The following NSMCE2 variants were observed in gnomAD, a reference collection of about 807,000 sequenced individuals.
The protein encoded by NSMCE2 is E3 SUMO-protein ligase NSE2.
A neutral mutation model predicts 23.8 loss-of-function variants in NSMCE2; 24 were observed. The observed-to-expected ratio is 1.01, with a 90% CI of 0.73 to 1.42. The LOEUF (loss-of-function observed/expected upper bound fraction) is 1.42. Among genes scored for constraint, NSMCE2 ranks in the 40% most tolerant of loss-of-function variants. The probability of loss-of-function intolerance (pLI) is 0.00; values close to 1 mark genes in which losing one functional copy is unlikely to be tolerated. For synonymous variants in NSMCE2, 92 were observed against 94.1 expected (o/e 0.98, Z 0.13); for missense variants, 284 against 296.5 (o/e 0.96, Z 0.31).
chr8:125,359,328 CT>C (rs1813426304), intron 7 of NSMCE2, among the ~76,000 whole-genome samples: 2 of 123,508 alleles, frequency 1.6e-5, no homozygotes, highest in Non-Finnish European at 3.4e-5. Flanking sequence ...CTTGCTCTTT[CT>C]CTTTTTTTTT....
intron 5 of NSMCE2, among the ~76,000 whole-genome samples, chr8:125,255,964 TA>T (rs998079793): frequency 9.7e-4 from 148 of 152,148 alleles, no homozygotes; most frequent in African/African-American, 3.4e-3. Context: ...TAGGTGGTTT[TA>T]AAAAGAAGTA....
At chr8:125,347,925 G>A (rs180861994) in intron 5 of NSMCE2, among the ~76,000 whole-genome samples, 1 of 152,334 alleles carries the variant, frequency 6.6e-6, no homozygotes, top group East Asian at 1.9e-4. Flanking sequence ...TACATTTAAG[G>A]GGGTGGTAGA....
At chr8:125,114,690 C>T (rs1433917562) in intron 3 of NSMCE2, among the ~76,000 whole-genome samples, 3 of 152,188 alleles carry the variant, frequency 2.0e-5, no homozygotes, top group Admixed American at 6.5e-5. Flanking sequence ...ACAGCCCCTG[C>T]ACAGCAAAGA....
intron 3 of NSMCE2, among the ~76,000 whole-genome samples, chr8:125,143,841 A>G (rs1018269797): frequency 3.3e-5 from 5 of 152,204 alleles, no homozygotes; most frequent in Non-Finnish European, 7.3e-5. Flanking sequence ...ACACAGACAC[A>G]CATCCACGTG....
chr8:125,256,668 G>A (rs1164152285), intron 5 of NSMCE2, among the ~76,000 whole-genome samples: 2 of 152,146 alleles, frequency 1.3e-5, no homozygotes, highest in Non-Finnish European at 2.9e-5. Context: ...GCTCACGCCT[G>A]TAATCCCAGC....
chr8:125,351,826 C>G (rs1274197003), intron 5 of NSMCE2, among the ~76,000 whole-genome samples: 1 of 152,052 alleles, frequency 6.6e-6, no homozygotes, highest in Admixed American at 6.5e-5. Context: ...GCCTGGCCAA[C>G]ATGGTGAAAC....
chr8:125,204,025 G>T (rs146176361), intron 5 of NSMCE2, among the ~76,000 whole-genome samples: 1 of 152,276 alleles, frequency 6.6e-6, no homozygotes, highest in East Asian at 1.9e-4. Context: ...ATGCTTGTCT[G>T]TCTTAATCTG....
At chr8:125,148,475 T>G (rs1198676272) in intron 3 of NSMCE2, among the ~76,000 whole-genome samples, 1 of 152,220 alleles carries the variant, frequency 6.6e-6, no homozygotes. Flanking sequence ...AGAGGGAGAT[T>G]GCTAACATTA....
intron 5 of NSMCE2, among the ~76,000 whole-genome samples, chr8:125,305,866 C>G (rs1024355123): frequency 6.6e-6 from 1 of 152,088 alleles, no homozygotes; most frequent in Non-Finnish European, 1.5e-5. Flanking sequence ...AGCTTATAGT[C>G]TAGTGGAGAG....
chr8:125,134,265 T>C (rs2130581912), intron 3 of NSMCE2, among the ~76,000 whole-genome samples: 1 of 152,310 alleles, frequency 6.6e-6, no homozygotes, highest in South Asian at 2.1e-4. Context: ...TATGATGAGA[T>C]TTCATTATAT....
chr8:125,185,730 C>T (rs573956557), intron 5 of NSMCE2, among the ~76,000 whole-genome samples: 47 of 152,074 alleles, frequency 3.1e-4, no homozygotes, highest in Non-Finnish European at 6.5e-4. Flanking sequence ...AAAAATAAGC[C>T]TATTACATGT....
At chr8:125,288,825 T>G (rs567934861) in intron 5 of NSMCE2, among the ~76,000 whole-genome samples, 123 of 152,284 alleles carry the variant, frequency 8.1e-4, no homozygotes, top group South Asian at 1.7e-3. Flanking sequence ...AGACAGGGTT[T>G]GCAGTCTCGC....
chr8:125,151,257 G>A lies in NSMCE2; in HGVS notation c.244G>A (p.Val82Ile), dbSNP rs1461875605. 1.3e-6 allele frequency: 2 copies of A among 1,588,870 alleles called. No individual in the cohort carries two copies. Among genetic ancestry groups the A allele is most frequent in the Non-Finnish European group, 1.7e-6 (2 of 1,158,312 alleles). The change falls in exon 4 of 8, where the codon GTT becomes ATT. Residue 82 changes from valine (V) to isoleucine (I), a missense_variant. Val to Ile is a conservative substitution (Grantham distance 29). This residue lies in a region of NSMCE2 where 182 missense variants were observed against 155.5 expected (regional missense o/e 1.17). Transcript: ENST00000287437. Reference protein sequence around the residue: ...DRQLNHYVKAVQSTINHVKEE... With the variant: ...DRQLNHYVKAIQSTINHVKEE... ...GCAACTAAACCATTATGTAAAGGCTGTTCAATCTACAATAAATCATGTAAG... is the reference window on the plus strand; with the variant it reads ...GCAACTAAACCATTATGTAAAGGCTATTCAATCTACAATAAATCATGTAAG...
intron 5 of NSMCE2, among the ~76,000 whole-genome samples, chr8:125,298,683 G>T (rs541207633): frequency 9.8e-4 from 134 of 136,682 alleles, no homozygotes; most frequent in Non-Finnish European, 1.7e-3. Context: ...AAATTCATCT[G>T]TGGGTTTTTT....
chr8:125,285,749 TAC>T (rs1827864206), intron 5 of NSMCE2, among the ~76,000 whole-genome samples: 1 of 45,206 alleles, frequency 2.2e-5, no homozygotes. Context: ...GAATTCTTCA[TAC>T]ACACGCACAC....
At chr8:125,119,241 A>G (rs998888327) in intron 3 of NSMCE2, among the ~76,000 whole-genome samples, 1 of 152,166 alleles carries the variant, frequency 6.6e-6, no homozygotes, top group African/African-American at 2.4e-5. Context: ...ACCGACTGTA[A>G]CAACCTGAAA....
chr8:125,099,250 G>A (rs1340055791), intron 1 of NSMCE2, among the ~76,000 whole-genome samples: 2 of 152,130 alleles, frequency 1.3e-5, no homozygotes, highest in African/African-American at 2.4e-5. Context: ...CAGAAGGGTG[G>A]GAATGCCTGG....
chr8:125,213,409 T>C (rs1824429707), intron 5 of NSMCE2, among the ~76,000 whole-genome samples: 1 of 152,194 alleles, frequency 6.6e-6, no homozygotes, highest in African/African-American at 2.4e-5. Flanking sequence ...TTTGTTACTT[T>C]AGTAAATATA....
At chr8:125,320,202 G>T (rs1829371378) in intron 5 of NSMCE2, among the ~76,000 whole-genome samples, 2 of 125,662 alleles carry the variant, frequency 1.6e-5, no homozygotes, top group Non-Finnish European at 1.6e-5. Flanking sequence ...GAGAGAGAAA[G>T]AAAGAGAAGG....
Sources: allele counts gnomAD v4.1 joint callset (sites outside exome capture counted in the v4.1 genomes callset), GRCh38; gene constraint gnomAD v4.1.1; regional missense constraint gnomAD v4.1.1; transcripts MANE v1.5; gene names NCBI Gene and HGNC (gene_info 2026-07-23, HGNC 2026-07-21).